ART3: variants seen among roughly 807,000 people sequenced by gnomAD.
ART3 encodes ADP-ribosyltransferase 3 (inactive), also known as ecto-ADP-ribosyltransferase 3.
A neutral mutation model predicts 48.5 loss-of-function variants in ART3; 49 were observed. The ratio of observed to expected loss-of-function variants is 1.01; its 90% CI spans 0.80 to 1.28. The LOEUF is 1.28. ART3 is among the 50% of genes most tolerant of loss of function. ART3 has a pLI of 0.00. For synonymous variants in ART3, 145 were observed against 157.2 expected (o/e 0.92, Z 0.58); for missense variants, 438 against 454.3 (o/e 0.96, Z 0.33).
chr4:76,104,727 A>T lies in ART3; in HGVS notation c.1003+98A>T, dbSNP rs1484272216. ...GGACTTTCTATGCCTCATAATTGTC[A>T]TCTATCAAATGTAGCCATCAGTAGT... On this transcript the variant is annotated intron_variant, in intron 10 of 11. Coordinates refer to ENST00000355810, the MANE Select transcript of ART3 (RefSeq NM_001130016.3). The T allele has an allele frequency of 1.6e-5, 22 of 1,409,122 alleles. No individual in the cohort carries two copies. In the Admixed American group the frequency reaches 4.5e-4, roughly 29 times the overall value. 87.3% of individuals were successfully genotyped at this position (1,409,122 alleles called of 1,614,324 possible). A position where few individuals can be genotyped will look rare whatever the true frequency, so the allele number is the denominator to read the frequency against.
upstream of ART3, among the ~76,000 whole-genome samples, chr4:76,073,955 G>A (rs1720595701): frequency 1.3e-5 from 2 of 152,136 alleles, no homozygotes; most frequent in African/African-American, 4.8e-5. Flanking sequence ...TTGGTTTCCA[G>A]TTTGGGGGTT....
rs1316567711 is a variant in ART3 at position 76,106,988 on chromosome 4, CG to C, written c.1004-772del. Among the ~76,000 whole-genome samples, 6 of 152,202 alleles carry C rather than the reference CG, an allele frequency of 3.9e-5. No homozygotes were observed. In the East Asian group the frequency reaches 1.2e-3, roughly 29 times the overall value. On this transcript the variant is annotated intron_variant, in intron 10 of 11. Transcript: ENST00000355810. ...AAAACCATACTTCAAGTACCCATAC[CG>C]TTCTCTTTTTCACTTTCTGTACAAT...
intron 1 of ART3, among the ~76,000 whole-genome samples, chr4:76,049,483 A>G (rs993189640): frequency 6.6e-6 from 1 of 151,900 alleles, no homozygotes; most frequent in Non-Finnish European, 1.5e-5. Flanking sequence ...AAGTACAGGA[A>G]AAGCGGAAGC....
At chr4:76,042,642 C>G in intron 1 of ART3, among the ~76,000 whole-genome samples, 1 of 152,084 alleles carries the variant, frequency 6.6e-6, no homozygotes, top group South Asian at 2.1e-4. Flanking sequence ...TTTGTTCCTT[C>G]TGATGTTCGG....
intron 1 of ART3, among the ~76,000 whole-genome samples, chr4:76,029,493 T>C (rs1222322875): frequency 6.6e-6 from 1 of 152,200 alleles, no homozygotes; most frequent in Non-Finnish European, 1.5e-5. Flanking sequence ...TCATTACCAG[T>C]GTCTGGTTAA....
At chr4:76,069,591 T>C (rs1160983540) in intron 1 of ART3, among the ~76,000 whole-genome samples, 4 of 151,924 alleles carry the variant, frequency 2.6e-5, no homozygotes, top group Non-Finnish European at 5.9e-5. Flanking sequence ...GGTTTCACCA[T>C]GTTAGCCAGG....
intron 2 of ART3, among the ~76,000 whole-genome samples, chr4:76,079,256 T>G (rs1721901005): frequency 6.6e-6 from 1 of 151,348 alleles, no homozygotes; most frequent in South Asian, 2.1e-4. Flanking sequence ...GCCTGGCATA[T>G]AGAAAGAACT....
chr4:76,062,074 A>G (rs1261398631), intron 1 of ART3, among the ~76,000 whole-genome samples: 1 of 150,650 alleles, frequency 6.6e-6, no homozygotes, highest in African/African-American at 2.5e-5. Context: ...ACAGGAACTC[A>G]CTAAAGAGTT....
intron 1 of ART3, among the ~76,000 whole-genome samples, chr4:76,064,447 A>G (rs1036181040): frequency 6.6e-6 from 1 of 152,238 alleles, no homozygotes; most frequent in Admixed American, 6.5e-5. Context: ...AATAGTGATC[A>G]TGACATTGAA....
At chr4:76,066,506 C>A (rs963950976) in intron 1 of ART3, among the ~76,000 whole-genome samples, 2 of 152,066 alleles carry the variant, frequency 1.3e-5, no homozygotes, top group Non-Finnish European at 2.9e-5. Context: ...GCAGGTCATT[C>A]GGCAGTCTCT....
chr4:76,030,162 T>A (rs1049788832), intron 1 of ART3, among the ~76,000 whole-genome samples: 1 of 152,220 alleles, frequency 6.6e-6, no homozygotes, highest in African/African-American at 2.4e-5. Flanking sequence ...GTTCAAGCGA[T>A]TCTCCTGCCT....
intron 1 of ART3, among the ~76,000 whole-genome samples, chr4:76,057,619 G>A (rs1041262094): frequency 3.3e-5 from 5 of 152,120 alleles, no homozygotes; most frequent in African/African-American, 1.2e-4. Context: ...CCCTGTGAGG[G>A]GAACTGCTAT....
intron 1 of ART3, among the ~76,000 whole-genome samples, chr4:76,053,734 C>T (rs1291755517): frequency 1.3e-5 from 2 of 152,198 alleles, no homozygotes; most frequent in African/African-American, 4.8e-5. Flanking sequence ...GTTCTGCCAG[C>T]TCATTGAATA....
chr4:76,035,122 G>A, intron 1 of ART3: 1 of 1,570,564 alleles, frequency 6.4e-7, no homozygotes, highest in South Asian at 1.1e-5. Context: ...GGGTAATACT[G>A]TTAAAAGAAC....
intron 11 of ART3, among the ~76,000 whole-genome samples, chr4:76,108,073 T>G (rs1245963157): frequency 6.7e-6 from 1 of 148,964 alleles, no homozygotes; most frequent in Non-Finnish European, 1.5e-5. Flanking sequence ...AATATAAAAA[T>G]AAAAAAGAAA....
chr4:76,098,519 C>G (rs1200294728), intron 4 of ART3, among the ~76,000 whole-genome samples: 2 of 151,990 alleles, frequency 1.3e-5, no homozygotes, highest in Non-Finnish European at 2.9e-5. Context: ...GAATCCACAT[C>G]CAGAGGCTGA....
chr4:76,025,910 A>G (rs1426063865), intron 1 of ART3, among the ~76,000 whole-genome samples: 3 of 152,158 alleles, frequency 2.0e-5, no homozygotes, highest in Non-Finnish European at 2.9e-5. Flanking sequence ...GTACATATGT[A>G]GCAGTGGAAC....
chr4:76,104,045 GTCATGAGACTATTAT>G, intron 9 of ART3, 76 bp downstream of exon 9: 1 of 1,407,554 alleles, frequency 7.1e-7, no homozygotes. Flanking sequence ...AGAGAATACT[GTCATGAGACTATTAT>G]TCATGAATAT....
At position 76,103,944 on chromosome 4, in the gene ART3, A is replaced by T. The variant is rs1727892609; in HGVS notation, c.945A>T (p.Lys315Asn). 1 of 1,613,398 alleles carries T rather than the reference A, an allele frequency of 6.2e-7. No individual in the cohort carries two copies. Among genetic ancestry groups the T allele is most frequent in the African/African-American group, 1.3e-5 (1 of 74,884 alleles). Residue 315 changes from lysine (K) to asparagine (N), a missense_variant, in exon 9 of 12, where the codon AAA (lysine) becomes AAT (asparagine). Lys to Asn is a moderately conservative substitution (Grantham distance 94). This residue lies in a region of ART3 where 227 missense variants were observed against 229.6 expected (regional missense o/e 0.99). Transcript: ENST00000355810. ...ATTTATTTCTGCCTTTAGGTGTGAA[A>T]ATCCTTGAACCCACCCAAATACCTG... The part of the protein sequence containing the change: ...KNQKLEDHGV[K>N]ILEPTQIPGM...
Sources: allele counts gnomAD v4.1 joint callset (sites outside exome capture counted in the v4.1 genomes callset), GRCh38; gene constraint gnomAD v4.1.1; regional missense constraint gnomAD v4.1.1; transcripts MANE v1.5; gene names NCBI Gene and HGNC (gene_info 2026-07-23, HGNC 2026-07-21).